KIFC3: variants seen among roughly 807,000 people sequenced by gnomAD.
The protein encoded by KIFC3 is kinesin-like protein KIFC3.
In KIFC3, 60 loss-of-function variants were observed where a neutral mutation model predicts 101.8. The ratio of observed to expected loss-of-function variants is 0.59; its 90% CI spans 0.48 to 0.73. The LOEUF (loss-of-function observed/expected upper bound fraction) is 0.73, where lower values mean the gene tolerates loss of function less well. Among genes scored for constraint, KIFC3 ranks in the 30% least tolerant of loss-of-function variants. The probability of loss-of-function intolerance (pLI) is 0.00; values close to 1 mark genes in which losing one functional copy is unlikely to be tolerated. For synonymous variants in KIFC3, 476 were observed against 482.7 expected, an observed-to-expected ratio of 0.99 and a Z score of 0.18; for missense variants, 966 against 1,137.1, an observed-to-expected ratio of 0.85 and a Z score of 2.16.
At chr16:57,858,290 T>G (rs1292296099) in intron 1 of KIFC3, among the ~76,000 whole-genome samples, 1 of 152,214 alleles carries the variant, frequency 6.6e-6, no homozygotes, top group Non-Finnish European at 1.5e-5. Context: ...ATGTCCATTA[T>G]ATGTCTTCCC....
intron 1 of KIFC3, among the ~76,000 whole-genome samples, chr16:57,839,802 AT>A (rs1382597962): frequency 4.0e-5 from 6 of 150,370 alleles, no homozygotes; most frequent in African/African-American, 9.9e-5. Context: ...AGTTTTAGTG[AT>A]TTTTTCCCCC....
intron 5 of KIFC3, 34 bp from the exon 6 acceptor site, chr16:57,771,471 G>A: frequency 6.2e-7 from 1 of 1,612,608 alleles, no homozygotes; most frequent in Non-Finnish European, 8.5e-7. Flanking sequence ...ATGAGTGCAA[G>A]GGACAGGCTC....
upstream of KIFC3, chr16:57,803,549 C>G: frequency 2.7e-6 from 1 of 369,822 alleles, no homozygotes; most frequent in Non-Finnish European, 5.4e-6. Context: ...TCGGGCAACT[C>G]CAGGTGGGTT....
chr16:57,784,048 G>A (rs191139145), intron 3 of KIFC3, among the ~76,000 whole-genome samples: 349 of 152,290 alleles, frequency 2.3e-3, no homozygotes, highest in Non-Finnish European at 4.0e-3. Flanking sequence ...ACAAGCCCTC[G>A]AGGCCATGTG....
intron 12 of KIFC3, 112 bp downstream of exon 12, chr16:57,764,031 T>C (rs899072113): frequency 5.1e-6 from 4 of 782,534 alleles, no homozygotes; most frequent in East Asian, 5.0e-5. Context: ...TCCTGGGTTG[T>C]GAGGACCAAA....
At chr16:57,782,039 C>CCA in intron 3 of KIFC3, 1 of 985,420 alleles carries the variant, frequency 1.0e-6, no homozygotes, top group Non-Finnish European at 1.2e-6. Flanking sequence ...TACCCCCTGG[C>CCA]GGGCTTTGCT....
At chr16:57,782,201 TC>T in intron 3 of KIFC3, 3 of 945,020 alleles carry the variant, frequency 3.2e-6, no homozygotes, top group Non-Finnish European at 3.8e-6. Context: ...TTACAACAGA[TC>T]CACCCCCAAA....
chr16:57,862,341 C>T (rs1463589807), intron 1 of KIFC3, among the ~76,000 whole-genome samples: 1 of 151,844 alleles, frequency 6.6e-6, no homozygotes, highest in African/African-American at 2.4e-5. Context: ...CATCAAGCTA[C>T]TTAGAACATC....
intron 1 of KIFC3, among the ~76,000 whole-genome samples, chr16:57,853,388 C>T (rs1039319426): frequency 1.8e-4 from 28 of 151,688 alleles, no homozygotes; most frequent in African/African-American, 6.0e-4. Context: ...CACTGCACTC[C>T]AGCCTGGGTG....
At chr16:57,797,675 G>C (rs142761644) in intron 2 of KIFC3, 9 of 1,119,072 alleles carry the variant, frequency 8.0e-6, no homozygotes, top group Non-Finnish European at 9.9e-6. Flanking sequence ...TGTCAGCGGC[G>C]CTTGGTGCCC....
intron 3 of KIFC3, among the ~76,000 whole-genome samples, chr16:57,780,232 C>T (rs1003009313): frequency 2.0e-5 from 3 of 152,182 alleles, no homozygotes; most frequent in African/African-American, 4.8e-5. Context: ...TCAGATCAGC[C>T]GGGCGCGGTG....
intron 4 of KIFC3, 121 bp downstream of exon 4, chr16:57,772,102 T>C (rs782462099): frequency 1.2e-4 from 104 of 832,232 alleles, no homozygotes; most frequent in Non-Finnish European, 1.9e-4. Context: ...GGTGTGTTTC[T>C]GAGACAGGGT....
intron 3 of KIFC3, among the ~76,000 whole-genome samples, chr16:57,794,431 G>T (rs1310852169): frequency 1.3e-5 from 2 of 151,494 alleles, no homozygotes; most frequent in South Asian, 2.1e-4. Flanking sequence ...TCACTATATT[G>T]TCCAGGCTGG....
intron 1 of KIFC3, among the ~76,000 whole-genome samples, chr16:57,830,326 C>G (rs932979580): frequency 6.6e-5 from 10 of 151,174 alleles, no homozygotes; most frequent in Non-Finnish European, 1.2e-4. Context: ...CAGCCTCCCC[C>G]TCCCGGGTTC....
At chr16:57,845,802 T>G (rs2055906355) in intron 1 of KIFC3, among the ~76,000 whole-genome samples, 2 of 152,204 alleles carry the variant, frequency 1.3e-5, no homozygotes, top group Non-Finnish European at 2.9e-5. Flanking sequence ...AAAATGTTGA[T>G]GTATTTTTGT....
chr16:57,813,060 G>A (rs541418407), intron 1 of KIFC3, among the ~76,000 whole-genome samples: 1 of 152,292 alleles, frequency 6.6e-6, no homozygotes, highest in Non-Finnish European at 1.5e-5. Context: ...AGGCACAGTG[G>A]CTCATACCTT....
At chr16:57,830,725 T>A (rs1039838819) in intron 1 of KIFC3, 12 of 152,218 alleles carry the variant, frequency 7.9e-5, no homozygotes, top group Non-Finnish European at 1.3e-4. Flanking sequence ...AATAAAATGC[T>A]TTCTTCTATA....
At chr16:57,785,166 C>T (rs577407327) in intron 3 of KIFC3, among the ~76,000 whole-genome samples, 6 of 152,162 alleles carry the variant, frequency 3.9e-5, no homozygotes, top group Non-Finnish European at 8.8e-5. Flanking sequence ...CTCACATCTA[C>T]GTCACCTCCT....
At chr16:57,828,612 C>A (rs78116702) in intron 1 of KIFC3, among the ~76,000 whole-genome samples, 3,634 of 152,314 alleles carry the variant, frequency 0.024, 58 homozygotes, top group Non-Finnish European at 0.038. Flanking sequence ...CCTGATGGAT[C>A]CCGTCTCTGG....
Sources: allele counts gnomAD v4.1 joint callset (sites outside exome capture counted in the v4.1 genomes callset), GRCh38; gene constraint gnomAD v4.1.1; transcripts MANE v1.5; gene names NCBI Gene and HGNC (gene_info 2026-07-23, HGNC 2026-07-21).